Variants in ASTN1 observed in about 807,000 individuals in gnomAD.
ASTN1 encodes astrotactin 1, also known as astrotactin-1.
In ASTN1, 41 loss-of-function variants were observed where a neutral mutation model predicts 140.7. The ratio of observed to expected loss-of-function variants is 0.29; its 90% CI spans 0.23 to 0.38. The LOEUF is 0.38. Among genes scored for constraint, ASTN1 ranks in the 10% least tolerant of loss-of-function variants. The pLI, the probability that ASTN1 is intolerant of heterozygous loss-of-function variation, is 1.00. For missense variants in ASTN1, 1,479 were observed against 1,678.8 expected, an observed-to-expected ratio of 0.88 and a Z score of 2.08; for synonymous variants, 640 against 652.2, an observed-to-expected ratio of 0.98 and a Z score of 0.29.
chr1:177,073,314 A>G (rs557115484), intron 1 of ASTN1, among the ~76,000 whole-genome samples: 14 of 152,002 alleles, frequency 9.2e-5, no homozygotes, highest in Non-Finnish European at 2.1e-4. Flanking sequence ...TTTGTTTACT[A>G]TATCTGTATT....
At chr1:177,164,057 G>A (rs1219234040) in intron 1 of ASTN1, among the ~76,000 whole-genome samples, 1 of 152,016 alleles carries the variant, frequency 6.6e-6, no homozygotes, top group Non-Finnish European at 1.5e-5. Context: ...GAGTTGAACT[G>A]GTAGCAGACA....
At chr1:176,897,274 C>CAAAAAAAAAAA (rs56828059) in intron 16 of ASTN1, among the ~76,000 whole-genome samples, 1 of 44,148 alleles carries the variant, frequency 2.3e-5, no homozygotes, top group African/African-American at 1.0e-4. Flanking sequence ...GACTCCGTCT[C>CAAAAAAAAAAA]AAAAAAAAAA....
chr1:177,141,687 C>A (rs1288199394), intron 1 of ASTN1, among the ~76,000 whole-genome samples: 1 of 152,158 alleles, frequency 6.6e-6, no homozygotes, highest in Non-Finnish European at 1.5e-5. Flanking sequence ...CCACAACTTC[C>A]AGCATAGTTT....
At chr1:176,911,017 A>C (rs1206166297) in intron 16 of ASTN1, among the ~76,000 whole-genome samples, 2 of 152,228 alleles carry the variant, frequency 1.3e-5, no homozygotes, top group Non-Finnish European at 2.9e-5. Context: ...TGGTGCCAAA[A>C]AGGTGGGGGA....
chr1:177,136,596 C>T (rs1031506330), intron 1 of ASTN1, among the ~76,000 whole-genome samples: 1 of 152,058 alleles, frequency 6.6e-6, no homozygotes, highest in Non-Finnish European at 1.5e-5. Flanking sequence ...TCAGGTGATC[C>T]CCCTGCCTCG....
At chr1:177,136,733 G>A (rs1682222742) in intron 1 of ASTN1, among the ~76,000 whole-genome samples, 1 of 152,136 alleles carries the variant, frequency 6.6e-6, no homozygotes, top group Non-Finnish European at 1.5e-5. Flanking sequence ...CTATCACTGA[G>A]CCATGGTAAC....
At position 176,958,350 on chromosome 1, in the gene ASTN1, C is replaced by T; in HGVS notation, c.1731G>A (p.Glu577=). 5.0e-6 allele frequency: 8 copies of T among 1,614,030 alleles called. No homozygotes were observed. Among genetic ancestry groups the T allele is most frequent in the South Asian group, 1.1e-5 (1 of 91,052 alleles). The stretch of plus-strand genomic sequence containing the variant: ...AGTCCTGAAGCCAGACTCACCTGAC[C>T]TCCACAGCATCCTCCATCACAGTCA... ...TDMTVMEDAV[E]VREELMTSSS... The change falls in exon 10 of 23, where the codon GAG becomes GAA. Residue 577 remains glutamate (E), a synonymous_variant. Coordinates refer to ENST00000361833, the MANE Select transcript of ASTN1 (RefSeq NM_004319.3).
chr1:177,125,377 T>C (rs1681591129), intron 1 of ASTN1, among the ~76,000 whole-genome samples: 1 of 152,216 alleles, frequency 6.6e-6, no homozygotes, highest in Non-Finnish European at 1.5e-5. Context: ...ATTAAGTGGA[T>C]TGATTGCCCA....
At chr1:176,984,016 C>G (rs1266557240) in intron 8 of ASTN1, among the ~76,000 whole-genome samples, 1 of 152,192 alleles carries the variant, frequency 6.6e-6, no homozygotes, top group Non-Finnish European at 1.5e-5. Context: ...TTCTGTCAAG[C>G]CGACTGCAAG....
At chr1:177,060,558 G>A (rs1002814265) in intron 2 of ASTN1, among the ~76,000 whole-genome samples, 8 of 152,242 alleles carry the variant, frequency 5.3e-5, no homozygotes, top group South Asian at 2.1e-4. Flanking sequence ...TCACCCAGGC[G>A]GAAGTGCAGA....
chr1:177,053,205 A>C (rs1677626341), intron 2 of ASTN1, among the ~76,000 whole-genome samples: 1 of 152,220 alleles, frequency 6.6e-6, no homozygotes, highest in South Asian at 2.1e-4. Flanking sequence ...TCTGAAACTG[A>C]GTAGTTGAAA....
At chr1:176,947,998 T>C (rs1672025958) in intron 12 of ASTN1, among the ~76,000 whole-genome samples, 1 of 152,242 alleles carries the variant, frequency 6.6e-6, no homozygotes, top group African/African-American at 2.4e-5. Flanking sequence ...TAGAGCAAGC[T>C]TCCATTTATG....
intron 16 of ASTN1, among the ~76,000 whole-genome samples, chr1:176,913,627 T>C (rs556941218): frequency 3.3e-5 from 5 of 152,364 alleles, no homozygotes; most frequent in Non-Finnish European, 7.3e-5. Context: ...TAAGCGATTA[T>C]TGCTGGGGCA....
intron 1 of ASTN1, among the ~76,000 whole-genome samples, chr1:177,079,963 T>C (rs1679097638): frequency 6.6e-6 from 1 of 152,192 alleles, no homozygotes. Flanking sequence ...GTATTTTCTC[T>C]ATCACTCTGT....
chr1:177,157,640 G>A (rs552427074), intron 1 of ASTN1, among the ~76,000 whole-genome samples: 1 of 151,800 alleles, frequency 6.6e-6, no homozygotes, highest in Admixed American at 6.6e-5. Context: ...AAATTAATTT[G>A]TATTTTTTTT....
intron 8 of ASTN1, among the ~76,000 whole-genome samples, chr1:176,970,437 A>C (rs1439304608): frequency 6.6e-6 from 1 of 152,204 alleles, no homozygotes; most frequent in Admixed American, 6.5e-5. Context: ...TGCTAGTCCC[A>C]GCTTTCCACC....
chr1:177,031,665 T>C (rs1366123812), intron 3 of ASTN1, among the ~76,000 whole-genome samples: 1 of 152,222 alleles, frequency 6.6e-6, no homozygotes, highest in South Asian at 2.1e-4. Flanking sequence ...AAAGTCTATA[T>C]ATAGTAAGCA....
At chr1:176,923,780 G>A (rs191810824) in intron 16 of ASTN1, among the ~76,000 whole-genome samples, 91 of 152,230 alleles carry the variant, frequency 6.0e-4, no homozygotes, top group Non-Finnish European at 8.1e-4. Flanking sequence ...AAATAAAGGG[G>A]ACTACTGTAT....
At position 176,863,850 on chromosome 1, in the gene ASTN1, C is replaced by T. The variant is rs976283328; in HGVS notation, c.*434G>A. The T allele has an allele frequency of 2.3e-5, 23 of 998,968 alleles. No individual in the cohort carries two copies. In the Admixed American group the frequency reaches 9.6e-4, roughly 42 times the overall value. The allele number at this position is 998,968 out of a possible 1,614,324, so 61.9% of individuals were successfully genotyped here. On this transcript the variant is annotated 3_prime_UTR_variant, in exon 23 of 23. Transcript: ENST00000361833. ...GAGGAATGCTTGAGGGTGGGGCCTG[C>T]GGCAGGCCTAACAACTTTCTGGCCT...
Sources: gnomAD v4.1 joint callset for allele counts (sites outside exome capture counted in the v4.1 genomes callset) on GRCh38, gnomAD v4.1.1 for gene constraint, MANE v1.5 for transcripts, NCBI Gene and HGNC (gene_info 2026-07-23, HGNC 2026-07-21) for gene names.